The following PTPRD variants were observed in gnomAD, a reference collection of about 807,000 sequenced individuals.
PTPRD encodes protein tyrosine phosphatase receptor type D.
In PTPRD, 34 loss-of-function variants were observed where a neutral mutation model predicts 214.5. The observed-to-expected ratio is 0.16, with a 90% confidence interval of 0.12 to 0.21. The LOEUF (loss-of-function observed/expected upper bound fraction) is 0.21, where lower values mean the gene tolerates loss of function less well. Among genes scored for constraint, PTPRD ranks in the 10% least tolerant of loss-of-function variants. The probability of loss-of-function intolerance (pLI) is 1.00; values close to 1 mark genes in which losing one functional copy is unlikely to be tolerated. For synonymous variants in PTPRD, 1,128 were observed against 845.7 expected, an observed-to-expected ratio of 1.33 and a Z score of -5.79; for missense variants, 2,545 against 2,398.7, an observed-to-expected ratio of 1.06 and a Z score of -1.27.
At chr9:9,579,617 G>C (rs2090113707) in intron 7 of PTPRD, among the ~76,000 whole-genome samples, 1 of 152,004 alleles carries the variant, frequency 6.6e-6, no homozygotes, top group Admixed American at 6.6e-5. Context: ...GCCCTAGTAA[G>C]TGTTGTTCCC....
At chr9:9,463,370 G>C (rs2093841451) in intron 8 of PTPRD, among the ~76,000 whole-genome samples, 1 of 152,100 alleles carries the variant, frequency 6.6e-6, no homozygotes, top group African/African-American at 2.4e-5. Flanking sequence ...TGAGAGAGTG[G>C]GTTGGAAGAG....
intron 32 of PTPRD, among the ~76,000 whole-genome samples, chr9:8,464,735 A>G (rs1276797357): frequency 6.6e-6 from 1 of 151,080 alleles, no homozygotes; most frequent in Non-Finnish European, 1.5e-5. Context: ...TTAAACATTC[A>G]AAGTAACTGA....
intron 14 of PTPRD, among the ~76,000 whole-genome samples, chr9:8,537,263 G>A (rs553340882): frequency 1.2e-4 from 18 of 151,886 alleles, no homozygotes; most frequent in Non-Finnish European, 2.5e-4. Flanking sequence ...TTACGCATAT[G>A]AATAAAATTG....
intron 9 of PTPRD, among the ~76,000 whole-genome samples, chr9:9,186,862 T>C (rs971403065): frequency 6.6e-6 from 1 of 152,036 alleles, no homozygotes; most frequent in Non-Finnish European, 1.5e-5. Flanking sequence ...TGGAATTATC[T>C]AGATGATGTT....
At chr9:10,549,253 C>T (rs193148134) in intron 2 of PTPRD, among the ~76,000 whole-genome samples, 1 of 152,192 alleles carries the variant, frequency 6.6e-6, no homozygotes, top group East Asian at 1.9e-4. Context: ...GAACATAATG[C>T]AATGTTGTGT....
At chr9:8,694,753 A>T (rs527981047) in intron 12 of PTPRD, among the ~76,000 whole-genome samples, 1 of 152,324 alleles carries the variant, frequency 6.6e-6, no homozygotes, top group Non-Finnish European at 1.5e-5. Flanking sequence ...GGTGTTGGCA[A>T]ATCTGTATAC....
In PTPRD at chr9:10,082,840, AAC is replaced by A. The variant is rs59362209; in HGVS notation, c.-544-49052_-544-49051del. Among the ~76,000 whole-genome samples, 474 of 128,164 alleles carry A rather than the reference AAC, an allele frequency of 3.7e-3. 6 individuals are homozygous for A. The highest frequency in any genetic ancestry group is 0.012 in the Middle Eastern group (3 of 248). 84.1% of individuals were successfully genotyped at this position (128,164 alleles called of 152,430 possible). On this transcript the variant is annotated intron_variant, in intron 3 of 45. Coordinates refer to ENST00000381196, the MANE Select transcript of PTPRD (RefSeq NM_002839.4). ...ACACACACACACACACACACACACAAACACACACACACACACACACACACCCT... is the reference window on the plus strand; with the variant it reads ...ACACACACACACACACACACACACAAACACACACACACACACACACACCCT...
intron 10 of PTPRD, among the ~76,000 whole-genome samples, chr9:9,129,927 C>G (rs2099840065): frequency 2.6e-5 from 4 of 152,102 alleles, no homozygotes; most frequent in Non-Finnish European, 5.9e-5. Context: ...TGTAATTTCT[C>G]TCTGCTTGAG....
chr9:8,454,136 G>A (rs914691311), intron 33 of PTPRD, among the ~76,000 whole-genome samples: 2 of 152,078 alleles, frequency 1.3e-5, no homozygotes, highest in Non-Finnish European at 2.9e-5. Context: ...TCTCACTAAG[G>A]CACTGTCATC....
At chr9:9,797,383 A>G (rs139271658) in intron 5 of PTPRD, among the ~76,000 whole-genome samples, 2,836 of 151,676 alleles carry the variant, frequency 0.019, 37 homozygotes, top group Middle Eastern at 0.034. Flanking sequence ...AAGCAAATTT[A>G]TAAAATTTAA....
At chr9:9,001,110 G>C (rs1278757428) in intron 11 of PTPRD, among the ~76,000 whole-genome samples, 2 of 151,892 alleles carry the variant, frequency 1.3e-5, no homozygotes, top group Non-Finnish European at 1.5e-5. Context: ...AATTAAAAAA[G>C]GCACCGGTTA....
intron 7 of PTPRD, among the ~76,000 whole-genome samples, chr9:9,734,115 G>A (rs2098249927): frequency 1.3e-5 from 2 of 152,126 alleles, no homozygotes; most frequent in African/African-American, 2.4e-5. Flanking sequence ...TTGTACTACT[G>A]AAAAACTTTT....
At chr9:10,507,869 C>T (rs1429889646) in intron 2 of PTPRD, among the ~76,000 whole-genome samples, 1 of 152,092 alleles carries the variant, frequency 6.6e-6, no homozygotes, top group African/African-American at 2.4e-5. Flanking sequence ...TAGGCAACAC[C>T]ATTCAGGACA....
At chr9:10,395,707 A>T (rs573234348) in intron 2 of PTPRD, among the ~76,000 whole-genome samples, 58 of 152,106 alleles carry the variant, frequency 3.8e-4, no homozygotes, top group Admixed American at 6.6e-4. Context: ...GCTGATCCAC[A>T]GGGGCCAAAT....
intron 11 of PTPRD, among the ~76,000 whole-genome samples, chr9:9,007,784 T>C (rs1317354056): frequency 6.7e-6 from 1 of 149,410 alleles, no homozygotes; most frequent in Non-Finnish European, 1.5e-5. Flanking sequence ...TAAGCATATC[T>C]TTCAGTTGTT....
At chr9:8,753,341 G>A (rs762976172) in intron 11 of PTPRD, among the ~76,000 whole-genome samples, 1 of 152,180 alleles carries the variant, frequency 6.6e-6, no homozygotes, top group Non-Finnish European at 1.5e-5. Context: ...CAAGTACACT[G>A]ACAGGTAGTA....
chr9:8,854,918 T>A (rs891622570), intron 11 of PTPRD, among the ~76,000 whole-genome samples: 2 of 152,176 alleles, frequency 1.3e-5, no homozygotes, highest in Non-Finnish European at 2.9e-5. Context: ...TTTATCTTTG[T>A]CATACACTGA....
At chr9:8,894,523 G>A (rs1288914188) in intron 11 of PTPRD, among the ~76,000 whole-genome samples, 3 of 152,046 alleles carry the variant, frequency 2.0e-5, no homozygotes, top group Non-Finnish European at 4.4e-5. Context: ...GGGGGTTGGG[G>A]GGTGCTTAGA....
chr9:10,099,356 CAT>C (rs2098528512), intron 3 of PTPRD, among the ~76,000 whole-genome samples: 1 of 151,586 alleles, frequency 6.6e-6, no homozygotes, highest in Admixed American at 6.6e-5. Context: ...GTGAGAATCA[CAT>C]GAGTTAATAT....
Sources: gnomAD v4.1 joint callset for allele counts (sites outside exome capture counted in the v4.1 genomes callset) on GRCh38, gnomAD v4.1.1 for gene constraint, MANE v1.5 for transcripts, NCBI Gene and HGNC (gene_info 2026-07-23, HGNC 2026-07-21) for gene names.